The following TTLL11 variants were observed in gnomAD, a reference collection of about 807,000 sequenced individuals.
TTLL11 encodes the protein tubulin polyglutamylase TTLL11.
Under a neutral mutation model 51.7 loss-of-function variants are expected in TTLL11, and 42 were observed. The ratio of observed to expected loss-of-function variants is 0.81; its 90% confidence interval spans 0.64 to 1.05. The LOEUF (loss-of-function observed/expected upper bound fraction) is 1.05. TTLL11 is among the 50% of genes least tolerant of loss of function. TTLL11 has a pLI of 0.00. For synonymous variants in TTLL11, 381 were observed against 383.5 expected, an observed-to-expected ratio of 0.99 and a Z score of 0.08; for missense variants, 799 against 940.4, an observed-to-expected ratio of 0.85 and a Z score of 1.97.
At chr9:121,854,238 A>G (rs1226632923) in intron 8 of TTLL11, among the ~76,000 whole-genome samples, 2 of 152,134 alleles carry the variant, frequency 1.3e-5, no homozygotes, top group African/African-American at 4.8e-5. Flanking sequence ...AGCTGGGCAC[A>G]TAGCTCAGGA....
intron 4 of TTLL11, among the ~76,000 whole-genome samples, chr9:121,976,156 G>A (rs191394685): frequency 3.9e-5 from 6 of 152,272 alleles, no homozygotes; most frequent in Non-Finnish European, 7.3e-5. Context: ...CCTTCTAAGC[G>A]CAGGGCCCTG....
intron 1 of TTLL11, among the ~76,000 whole-genome samples, chr9:122,046,655 A>G (rs1244355528): frequency 6.6e-6 from 1 of 152,160 alleles, no homozygotes; most frequent in Non-Finnish European, 1.5e-5. Context: ...TCTGGTAGTC[A>G]TCTTTCCTTT....
chr9:121,828,591 A>G lies in TTLL11; in HGVS notation c.1841-5712T>C, dbSNP rs548250196. Among the ~76,000 whole-genome samples the G allele has an allele frequency of 3.5e-4, 54 of 152,228 alleles. No individual in the cohort carries two copies. The South Asian group carries it at 6.6e-3, about 19-fold the overall frequency. ...ACTGTCCATCAAATTTTTGCCTTCT[A>G]TGCCATTTCACCACCCCGTCCCTGT... On this transcript the variant is annotated intron_variant, in intron 8 of 8. Coordinates refer to ENST00000321582, the MANE Select transcript of TTLL11 (RefSeq NM_001139442.2).
rs762145470 is a variant in TTLL11, at chr9:122,039,344, A to G, written c.487T>C (p.Cys163Arg). The change falls in exon 2 of 9, where the codon TGT becomes CGT. Residue 163 changes from cysteine (C) to arginine (R), a missense_variant. Transcript: ENST00000321582. Reference protein sequence around the residue: ...KEFPFGRRLPCDIYWHGVSFH... With the variant: ...KEFPFGRRLPRDIYWHGVSFH... ...GAAACTCCATGCCAGTAGATGTCAC[A>G]AGGCAAGCGCCGGCCAAATGGGAAC... 3 of 1,614,108 alleles carry G rather than the reference A, an allele frequency of 1.9e-6. No individual in the cohort carries two copies. The highest frequency in any genetic ancestry group is 2.5e-6 in the Non-Finnish European group (3 of 1,179,950).
Position 121,989,423 on chromosome 9 carries a change from C to T in TTLL11, c.1041G>A (p.Leu347=), listed in dbSNP as rs1425054418. 4 of 1,614,116 alleles carry T rather than the reference C, an allele frequency of 2.5e-6. No homozygotes were observed. Among genetic ancestry groups the T allele is most frequent in the Non-Finnish European group, 3.4e-6 (4 of 1,180,048 alleles). The change falls in exon 4 of 9, where the codon CTG becomes CTA. Residue 347 remains leucine, a synonymous_variant. Coordinates refer to ENST00000321582, the MANE Select transcript of TTLL11 (RefSeq NM_001139442.2). The surrounding 1 kb of genome is among the most constrained non-coding windows in gnomAD (Gnocchi z 4.2). ...GGATGAAGTTGCCGCTGTGGATGTTCAGTGAATAGTTGGTTAAGTGCATAA... is the reference window on the plus strand; with the variant it reads ...GGATGAAGTTGCCGCTGTGGATGTTTAGTGAATAGTTGGTTAAGTGCATAA... ...RIFMHLTNYS[L]NIHSGNFIHS...
intron 6 of TTLL11, among the ~76,000 whole-genome samples, chr9:121,917,387 T>C (rs1025110573): frequency 1.3e-5 from 2 of 151,880 alleles, no homozygotes; most frequent in Non-Finnish European, 2.9e-5. Flanking sequence ...TGAGGATCAC[T>C]TGAGCCCCAG....
intron 6 of TTLL11, among the ~76,000 whole-genome samples, chr9:121,942,662 C>T (rs959133741): frequency 1.3e-5 from 2 of 151,832 alleles, no homozygotes; most frequent in East Asian, 3.9e-4. Flanking sequence ...GACATTCAGG[C>T]TCTCGCAGTC....
At chr9:121,920,037 TA>T (rs1840474047) in intron 6 of TTLL11, among the ~76,000 whole-genome samples, 1 of 152,086 alleles carries the variant, frequency 6.6e-6, no homozygotes, top group Non-Finnish European at 1.5e-5. Context: ...CTCATGCCTG[TA>T]ATCCTAGCAC....
In TTLL11 at chr9:121,819,719, C is replaced by T. The variant is rs191045729; in HGVS notation, c.*2868G>A. 1.6e-4 allele frequency among the ~76,000 whole-genome samples: 25 copies of T among 152,094 alleles called. No homozygotes were observed. Among genetic ancestry groups the T allele is most frequent in the Admixed American group, 6.5e-4 (10 of 15,286 alleles). On this transcript the variant is annotated 3_prime_UTR_variant, in exon 9 of 9. Transcript: ENST00000321582. Reference sequence around the variant, plus strand: ...ACAGGGGCTGCCCAGCTATGTGTGCCGTGCCTCTGGGCCAGCCAGACTCCC... The same window carrying T: ...ACAGGGGCTGCCCAGCTATGTGTGCTGTGCCTCTGGGCCAGCCAGACTCCC...
chr9:121,930,679 G>T (rs1004422006), intron 6 of TTLL11, among the ~76,000 whole-genome samples: 3 of 152,212 alleles, frequency 2.0e-5, no homozygotes, highest in Admixed American at 6.5e-5. Context: ...GACTCCCTAG[G>T]TGGCTGCTGT....
intron 4 of TTLL11, among the ~76,000 whole-genome samples, chr9:121,981,406 C>G (rs1842826480): frequency 6.6e-6 from 1 of 152,132 alleles, no homozygotes; most frequent in Admixed American, 6.5e-5. Context: ...TCATTTGGCT[C>G]TTTTCACTAG....
rs73562072 is a variant in TTLL11 at position 122,005,086 on chromosome 9, G to A, written c.694-15316C>T. ...AGGAGGATGAGACACAGGGAGAAAC[G>A]TGTCAACTCAGGAATATTTTAAAAG... is the stretch of plus-strand genomic sequence containing the variant. On this transcript the variant is annotated intron_variant, in intron 3 of 8. Coordinates refer to ENST00000321582, the MANE Select transcript of TTLL11 (RefSeq NM_001139442.2). Among the ~76,000 whole-genome samples, 1,059 of 152,296 alleles carry A rather than the reference G, an allele frequency of 7.0e-3. 13 individuals are homozygous for A. The highest frequency in any genetic ancestry group is 0.024 in the African/African-American group (1,011 of 41,560).
chr9:122,091,273 C>T (rs926171552), intron 1 of TTLL11, among the ~76,000 whole-genome samples: 3 of 152,224 alleles, frequency 2.0e-5, no homozygotes, highest in South Asian at 2.1e-4. Flanking sequence ...ATTAAGACCA[C>T]GGCACTGACA....
At chr9:122,009,229 T>C (rs967392657) in intron 3 of TTLL11, among the ~76,000 whole-genome samples, 1 of 152,212 alleles carries the variant, frequency 6.6e-6, no homozygotes. Flanking sequence ...GTAATCTGCA[T>C]GTTAATTAGC....
At chr9:121,967,805 C>G (rs1842446723) in intron 6 of TTLL11, among the ~76,000 whole-genome samples, 1 of 152,146 alleles carries the variant, frequency 6.6e-6, no homozygotes. Flanking sequence ...GAATATTATT[C>G]AGCTGTAAAA....
intron 2 of TTLL11, among the ~76,000 whole-genome samples, chr9:122,034,920 G>A (rs955350179): frequency 6.6e-6 from 1 of 152,152 alleles, no homozygotes; most frequent in Non-Finnish European, 1.5e-5. Context: ...AACTGAGATC[G>A]AAGCTCTAGG....
chr9:121,824,065 A>G (rs76884890), intron 8 of TTLL11, among the ~76,000 whole-genome samples: 3,949 of 152,240 alleles, frequency 0.026, 112 homozygotes, highest in African/African-American at 0.065. Context: ...GGTGCTCAGT[A>G]TAGATGAATG....
intron 1 of TTLL11, among the ~76,000 whole-genome samples, chr9:122,056,016 C>G (rs1228422344): frequency 6.6e-6 from 1 of 152,224 alleles, no homozygotes; most frequent in East Asian, 1.9e-4. Flanking sequence ...CCTATTTCCC[C>G]ATTTGCCATA....
At chr9:121,993,301 T>A (rs1449030967) in intron 3 of TTLL11, among the ~76,000 whole-genome samples, 2 of 152,252 alleles carry the variant, frequency 1.3e-5, no homozygotes, top group Non-Finnish European at 2.9e-5. Flanking sequence ...AATCTTGTCA[T>A]GTATATTTTA....
Sources: allele counts gnomAD v4.1 joint callset (sites outside exome capture counted in the v4.1 genomes callset), GRCh38; gene constraint gnomAD v4.1.1; non-coding constraint Gnocchi (gnomAD v3.1); transcripts MANE v1.5; gene names NCBI Gene and HGNC (gene_info 2026-07-23, HGNC 2026-07-21).